SKA3: variants seen among roughly 807,000 people sequenced by gnomAD.
SKA3 encodes spindle and kinetochore associated complex subunit 3, also known as spindle and kinetochore-associated protein 3.
A neutral mutation model predicts 44.2 loss-of-function variants in SKA3; 39 were observed. That is an observed-to-expected ratio of 0.88 (90% CI 0.68 to 1.15). The LOEUF (loss-of-function observed/expected upper bound fraction) is 1.15. SKA3 is among the 50% of genes most tolerant of loss of function. The pLI is 0.00. For missense variants in SKA3, 511 were observed against 485.8 expected, an observed-to-expected ratio of 1.05 and a Z score of -0.49; for synonymous variants, 192 against 172.0, an observed-to-expected ratio of 1.12 and a Z score of -0.91.
intron 4 of SKA3, 52 bp downstream of exon 4, chr13:21,167,936 A>G (rs770338466): frequency 1.4e-5 from 19 of 1,392,436 alleles, no homozygotes; most frequent in Non-Finnish European, 1.8e-5. Context: ...ATCAATAAAT[A>G]CAAAAGGTTT....
intron 1 of SKA3, 28 bp from the exon 2 acceptor site, chr13:21,172,709 AG>A (rs1420278857): frequency 7.3e-7 from 1 of 1,362,130 alleles, no homozygotes; most frequent in African/African-American, 1.5e-5. Flanking sequence ...AAAGAAAAGA[AG>A]TCCAATAAAT....
intron 4 of SKA3, among the ~76,000 whole-genome samples, chr13:21,164,415 T>C (rs1375938121): frequency 6.6e-6 from 1 of 152,198 alleles, no homozygotes. Context: ...AAATGTTTGT[T>C]AAGTTTTCGT....
chr13:21,176,241 C>T, intron 1 of SKA3, 134 bp downstream of exon 1: 1 of 685,574 alleles, frequency 1.5e-6, no homozygotes, highest in Non-Finnish European at 2.3e-6. Flanking sequence ...GCGCAGCACC[C>T]GCCCTGCGCC....
intron 4 of SKA3, among the ~76,000 whole-genome samples, chr13:21,166,742 AAAAC>A (rs1870733515): frequency 6.6e-6 from 1 of 152,206 alleles, no homozygotes; most frequent in South Asian, 2.1e-4. Flanking sequence ...AAAACAAAAC[AAAAC>A]AAACAAACAA....
At chr13:21,171,018 G>A (rs73433445) in intron 3 of SKA3, among the ~76,000 whole-genome samples, 5 of 152,196 alleles carry the variant, frequency 3.3e-5, no homozygotes, top group Admixed American at 6.5e-5. Context: ...CCTTGAACTC[G>A]TGGGCTTAAG....
Position 21,172,649 on chromosome 13 carries a change from C to A in SKA3, c.136G>T (p.Asp46Tyr). ...FEDYPMRILY[D>Y]LHSEVQTLKD... ...AGAGTCTGAACTTCTGAATGAAGGT[C>A]ATATAAAATTCTCATTGGATAATCT... is the stretch of plus-strand genomic sequence containing the variant. Residue 46 changes from aspartate to tyrosine, a missense_variant, in exon 2 of 9, where the codon GAC becomes TAC. Transcript: ENST00000314759. 1.3e-6 allele frequency: 2 copies of A among 1,582,762 alleles called. No homozygotes were observed. Among genetic ancestry groups the A allele is most frequent in the South Asian group, 2.3e-5 (2 of 86,894 alleles).
In SKA3 at chr13:21,169,415, G is replaced by A. The variant is rs546689927; in HGVS notation, c.332-1016C>T. On this transcript the variant is annotated intron_variant, in intron 3 of 8. Transcript: ENST00000314759. Reference sequence around the variant, plus strand: ...AGGGTTTCACCATGTTGCCTAGACAGGTCTAGAACTCCTGAGCTCAAGTGA... The same window carrying A: ...AGGGTTTCACCATGTTGCCTAGACAAGTCTAGAACTCCTGAGCTCAAGTGA... Among the ~76,000 whole-genome samples, 12 of 151,948 alleles carry A rather than the reference G, an allele frequency of 7.9e-5. No homozygotes were observed. The East Asian group carries it at 2.1e-3, about 27-fold the overall frequency.
chr13:21,155,836 T>C, intron 7 of SKA3, 25 bp from the exon 8 acceptor site: 1 of 925,332 alleles, frequency 1.1e-6, no homozygotes, highest in Non-Finnish European at 1.5e-6. Flanking sequence ...GGAAATTCCT[T>C]TTTATCGAGC....
intron 3 of SKA3, among the ~76,000 whole-genome samples, chr13:21,171,784 G>C (rs1486777090): frequency 1.1e-4 from 17 of 152,128 alleles, no homozygotes; most frequent in Admixed American, 5.2e-4. Context: ...ACTTGACAAA[G>C]ATAATAATAC....
At chr13:21,170,928 T>TATGTATGC (rs1555234866) in intron 3 of SKA3, among the ~76,000 whole-genome samples, 1 of 151,874 alleles carries the variant, frequency 6.6e-6, no homozygotes, top group African/African-American at 2.4e-5. Context: ...TGTATGTATG[T>TATGTATGC]ATGTATTTTA....
At position 21,172,359 on chromosome 13, in the gene SKA3, G is replaced by A. The variant is rs758278348; in HGVS notation, c.311C>T (p.Pro104Leu). 4 of 1,562,216 alleles carry A rather than the reference G, an allele frequency of 2.6e-6. No homozygotes were observed. The highest frequency in any genetic ancestry group is 1.7e-4 in the Middle Eastern group (1 of 5,906). ...REYFQKYGYS[P>L]RVKKNSVHEQ... ...CAAACCTGAATTTTTCTTGACACGT[G>A]GACTATATCCATACTTCTGGAAATA... Residue 104 changes from proline (P) to leucine (L), a missense_variant, in exon 3 of 9, where the codon CCA becomes CTA. Coordinates refer to ENST00000314759, the MANE Select transcript of SKA3 (RefSeq NM_145061.6).
intron 1 of SKA3, among the ~76,000 whole-genome samples, chr13:21,175,153 T>A (rs1871390133): frequency 1.3e-5 from 2 of 151,480 alleles, no homozygotes; most frequent in Non-Finnish European, 2.9e-5. Flanking sequence ...TTGTTTTGTA[T>A]TTTTAGTAGA....
chr13:21,167,804 T>C (rs1430344342), intron 4 of SKA3, among the ~76,000 whole-genome samples, 184 bp downstream of exon 4: 6 of 151,152 alleles, frequency 4.0e-5, no homozygotes, highest in Admixed American at 6.6e-5. Flanking sequence ...AAAAAAAACT[T>C]ATTGATGTAA....
At chr13:21,169,964 C>T (rs766079948) in intron 3 of SKA3, among the ~76,000 whole-genome samples, 1 of 152,024 alleles carries the variant, frequency 6.6e-6, no homozygotes, top group Non-Finnish European at 1.5e-5. Context: ...AATTTCATGA[C>T]AGTATGGAAT....
intron 7 of SKA3, among the ~76,000 whole-genome samples, chr13:21,157,227 C>T (rs1337880363): frequency 6.6e-6 from 1 of 152,146 alleles, no homozygotes; most frequent in African/African-American, 2.4e-5. Context: ...CTGTTAAATA[C>T]TAAAGAATCA....
intron 5 of SKA3, among the ~76,000 whole-genome samples, 156 bp from the exon 6 acceptor site, chr13:21,160,143 G>T (rs946250903): frequency 6.6e-6 from 1 of 152,082 alleles, no homozygotes; most frequent in Non-Finnish European, 1.5e-5. Flanking sequence ...TAGTTGTGTT[G>T]TAATATATAT....
chr13:21,158,171 T>C (rs776597503), intron 6 of SKA3, 46 bp from the exon 7 acceptor site: 15 of 1,018,920 alleles, frequency 1.5e-5, no homozygotes, highest in African/African-American at 3.2e-5. Flanking sequence ...TATAACATAA[T>C]GTAGTAAATA....
chr13:21,158,175 G>A, intron 6 of SKA3, 50 bp from the exon 7 acceptor site: 1 of 1,053,504 alleles, frequency 9.5e-7, no homozygotes, highest in Non-Finnish European at 1.3e-6. Context: ...ACATAATGTA[G>A]TAAATAAAAA....
chr13:21,161,877 TG>T lies in SKA3; in HGVS notation c.744-3del. On this transcript the variant is annotated splice_region_variant and splice_polypyrimidine_tract_variant and intron_variant, in intron 4 of 8. Transcript: ENST00000314759. ...GATTCTGTATCTATGGCCTCCTCAC[TG>T]GTGTGATTCATAGGGAAATTACAAG... The T allele has an allele frequency of 6.3e-7, 1 of 1,599,164 alleles. No individual in the cohort carries two copies. The highest frequency in any genetic ancestry group is 1.1e-5 in the South Asian group (1 of 88,676).
Sources: gnomAD v4.1 joint callset for allele counts (sites outside exome capture counted in the v4.1 genomes callset) on GRCh38, gnomAD v4.1.1 for gene constraint, MANE v1.5 for transcripts, NCBI Gene and HGNC (gene_info 2026-07-23, HGNC 2026-07-21) for gene names.